The following PVT1 variants were observed in gnomAD, a reference collection of about 807,000 sequenced individuals.
The protein encoded by PVT1 is CXCR4/PVT1 fusion.
chr8:127,796,580 T>C (rs1814399127), intron 2 of PVT1, among the ~76,000 whole-genome samples: 1 of 152,196 alleles, frequency 6.6e-6, no homozygotes, highest in African/African-American at 2.4e-5. Context: ...TGGACACGTT[T>C]CTCTGGCAGC....
intron 2 of PVT1, among the ~76,000 whole-genome samples, chr8:127,849,610 C>T (rs980728873): frequency 6.6e-6 from 1 of 152,070 alleles, no homozygotes; most frequent in East Asian, 1.9e-4. Flanking sequence ...AGAAAGACTG[C>T]GTGCATGTGC....
Position 128,062,008 on chromosome 8 carries a change from AGGGCCAGTGCCTGGCAGGCAAGGCCAC to A in PVT1, n.913-8150_913-8124del, listed in dbSNP as rs1461705073. Among the ~76,000 whole-genome samples, 3 of 152,384 alleles carry A rather than the reference AGGGCCAGTGCCTGGCAGGCAAGGCCAC, an allele frequency of 2.0e-5. No individual in the cohort carries two copies. The East Asian group carries it at 5.8e-4, about 29-fold the overall frequency. Reference sequence around the variant, plus strand: ...ATCTTACCCACCTTCCCATGGACACAGGGCCAGTGCCTGGCAGGCAAGGCCACGTGCAAGAAAAGCTCTTAATTGATG... The same window carrying A: ...ATCTTACCCACCTTCCCATGGACACAGTGCAAGAAAAGCTCTTAATTGATG... On this transcript the variant is annotated intron_variant and non_coding_transcript_variant, in intron 4 of 10. Coordinates refer to ENST00000651587, the Ensembl canonical transcript of PVT1.
At chr8:127,859,660 G>A (rs1310360818) in intron 2 of PVT1, among the ~76,000 whole-genome samples, 5 of 152,010 alleles carry the variant, frequency 3.3e-5, no homozygotes, top group African/African-American at 4.8e-5. Context: ...CTGTCTAAAC[G>A]GAGCAGGCTC....
chr8:127,935,217 C>T (rs1043246047), intron 3 of PVT1, among the ~76,000 whole-genome samples: 23 of 152,274 alleles, frequency 1.5e-4, no homozygotes, highest in Non-Finnish European at 5.9e-5. Flanking sequence ...CTGCCCGCCT[C>T]GGCCTCCCAA....
chr8:127,860,869 T>C (rs1815219552), intron 2 of PVT1, among the ~76,000 whole-genome samples: 1 of 151,376 alleles, frequency 6.6e-6, no homozygotes, highest in Non-Finnish European at 1.5e-5. Flanking sequence ...TCCCTCCTAC[T>C]CGGTGACCTT....
chr8:127,802,741 G>A (rs973523961), intron 2 of PVT1, among the ~76,000 whole-genome samples: 1 of 152,162 alleles, frequency 6.6e-6, no homozygotes, highest in Non-Finnish European at 1.5e-5. Context: ...TGAGGCACAG[G>A]TGTTCTGCCG....
intron 2 of PVT1, among the ~76,000 whole-genome samples, chr8:127,864,651 C>T (rs1351295027): frequency 6.6e-6 from 1 of 152,104 alleles, no homozygotes; most frequent in African/African-American, 2.4e-5. Context: ...GGGTTCACGC[C>T]ATTCTCCTGC....
chr8:127,803,509 T>G (rs1343132707), intron 2 of PVT1: 8 of 152,160 alleles, frequency 5.3e-5, no homozygotes, highest in African/African-American at 1.9e-4. Context: ...TTCCCAAATA[T>G]ACATCTAAAA....
chr8:127,913,827 T>G (rs985224632), intron 3 of PVT1, among the ~76,000 whole-genome samples: 2 of 152,064 alleles, frequency 1.3e-5, no homozygotes, highest in Non-Finnish European at 2.9e-5. Flanking sequence ...TCCCACCCCA[T>G]TTTAATCATG....
chr8:127,836,578 G>T (rs1814911111), intron 2 of PVT1, among the ~76,000 whole-genome samples: 1 of 152,128 alleles, frequency 6.6e-6, no homozygotes, highest in Admixed American at 6.5e-5. Context: ...GTTGGAGCTG[G>T]CCAGAACTGG....
intron 5 of PVT1, among the ~76,000 whole-genome samples, chr8:128,094,183 A>T (rs1453718128): frequency 1.3e-5 from 2 of 152,210 alleles, no homozygotes; most frequent in Non-Finnish European, 2.9e-5. Context: ...CGCAAGTTAA[A>T]TCCAGTCCAC....
intron 4 of PVT1, among the ~76,000 whole-genome samples, chr8:128,006,137 A>G (rs1177443568): frequency 1.4e-5 from 2 of 141,512 alleles, no homozygotes; most frequent in Admixed American, 1.5e-4. Flanking sequence ...TAATAATAAT[A>G]ATAATAATAA....
chr8:127,987,046 C>T (rs150544268), intron 3 of PVT1, among the ~76,000 whole-genome samples: 243 of 152,270 alleles, frequency 1.6e-3, no homozygotes, highest in African/African-American at 5.5e-3. Flanking sequence ...CTCCTCTGAA[C>T]TTTAGTTTCC....
At chr8:128,046,917 G>A (rs141102133) in intron 4 of PVT1, among the ~76,000 whole-genome samples, 11 of 152,276 alleles carry the variant, frequency 7.2e-5, no homozygotes, top group Middle Eastern at 3.4e-3. Context: ...ACCAAGGAGT[G>A]GGGCTCTGCC....
intron 2 of PVT1, among the ~76,000 whole-genome samples, chr8:127,848,996 G>C (rs1815071407): frequency 6.6e-6 from 1 of 152,172 alleles, no homozygotes; most frequent in Non-Finnish European, 1.5e-5. Flanking sequence ...CAGATCCCAG[G>C]GGCTCTCCTG....
intron 2 of PVT1, among the ~76,000 whole-genome samples, chr8:127,858,534 G>A (rs906196717): frequency 5.3e-5 from 8 of 152,104 alleles, no homozygotes; most frequent in South Asian, 2.1e-4. Flanking sequence ...TTTAACATGG[G>A]CACTTTTTGA....
At chr8:127,887,670 C>A (rs184316137) in intron 2 of PVT1, among the ~76,000 whole-genome samples, 151 of 152,208 alleles carry the variant, frequency 9.9e-4, no homozygotes, top group African/African-American at 3.5e-3. Context: ...GGATTACAGG[C>A]ACCTGCCACC....
At chr8:128,047,765 T>TA (rs58108892) in intron 4 of PVT1, among the ~76,000 whole-genome samples, 42 of 151,570 alleles carry the variant, frequency 2.8e-4, no homozygotes, top group Admixed American at 4.6e-4. Context: ...AAAAAATTAG[T>TA]AAAAAAAAAT....
chr8:127,850,866 A>G (rs927661401), intron 2 of PVT1, among the ~76,000 whole-genome samples: 4 of 152,062 alleles, frequency 2.6e-5, no homozygotes, highest in Non-Finnish European at 5.9e-5. Flanking sequence ...TAAAAATACA[A>G]AAAGTAGGTG....
Sources: allele counts gnomAD v4.1 joint callset (sites outside exome capture counted in the v4.1 genomes callset), GRCh38; gene constraint gnomAD v4.1.1; transcripts MANE v1.5; gene names NCBI Gene and HGNC (gene_info 2026-07-23, HGNC 2026-07-21).